Variants in CPHXL observed in about 807,000 individuals in gnomAD.
The protein encoded by CPHXL is cytoplasmic polyadenylated homeobox-like protein.
chr16:75,718,199 T>G, intron 2 of CPHXL, 66 bp downstream of exon 2: 2 of 396,972 alleles, frequency 5.0e-6, no homozygotes, highest in Non-Finnish European at 8.9e-6. Context: ...GCCTGTGTGA[T>G]AGGAGTGAGA....
At chr16:75,718,509 C>A in intron 1 of CPHXL, 51 bp from the exon 2 acceptor site, 1 of 397,938 alleles carries the variant, frequency 2.5e-6, no homozygotes. Flanking sequence ...TTGGTAATAA[C>A]CAGACCAAAG....
In CPHXL at chr16:75,720,571, C is replaced by T. The variant is rs1488440310; in HGVS notation, c.26-2113G>A. On this transcript the variant is annotated intron_variant, in intron 1 of 2. Transcript: ENST00000640559. ...TTAGAGAAAAAAGAATAAAAAGAAACAAACAAAGCCTCCAAGAAATATGGG... is the reference window on the plus strand; with the variant it reads ...TTAGAGAAAAAAGAATAAAAAGAAATAAACAAAGCCTCCAAGAAATATGGG... Among the ~76,000 whole-genome samples the T allele has an allele frequency of 2.6e-5, 4 of 152,036 alleles. No homozygotes were observed. The East Asian group carries it at 5.8e-4, about 22-fold the overall frequency.
chr16:75,721,519 A>G (rs1434089380), intron 1 of CPHXL, among the ~76,000 whole-genome samples: 1 of 152,230 alleles, frequency 6.6e-6, no homozygotes, highest in Non-Finnish European at 1.5e-5. Context: ...CCATTACATA[A>G]TGGCAAAGGG....
intron 1 of CPHXL, among the ~76,000 whole-genome samples, chr16:75,721,993 C>G (rs1413526624): frequency 6.6e-6 from 1 of 152,178 alleles, no homozygotes; most frequent in Non-Finnish European, 1.5e-5. Flanking sequence ...ACAACCTGCT[C>G]CTGAATGACT....
At chr16:75,725,454 CTTTT>C (rs1047915594) in intron 1 of CPHXL, among the ~76,000 whole-genome samples, 1 of 137,812 alleles carries the variant, frequency 7.3e-6, no homozygotes, top group African/African-American at 2.6e-5. Flanking sequence ...GTGGCTTCCT[CTTTT>C]TTTTTTTTTT....
chr16:75,719,656 C>A (rs973758877), intron 1 of CPHXL, among the ~76,000 whole-genome samples: 1 of 152,230 alleles, frequency 6.6e-6, no homozygotes, highest in African/African-American at 2.4e-5. Context: ...CTGCCTGCCT[C>A]TCTAGACTCC....
chr16:75,717,991 G>C (rs1959417685), intron 2 of CPHXL, among the ~76,000 whole-genome samples: 1 of 152,128 alleles, frequency 6.6e-6, no homozygotes, highest in Admixed American at 6.5e-5. Context: ...GGGATGCTGA[G>C]GTGGGTAGAT....
chr16:75,725,278 TA>T (rs756510984), intron 1 of CPHXL, among the ~76,000 whole-genome samples: 9 of 151,654 alleles, frequency 5.9e-5, no homozygotes, highest in Non-Finnish European at 8.9e-5. Context: ...AGTATAATAA[TA>T]AAAAAAACTT....
chr16:75,717,715 A>G (rs6564274), intron 2 of CPHXL, among the ~76,000 whole-genome samples: 90,553 of 152,118 alleles, frequency 0.6, 30,430 homozygotes, highest in East Asian at 0.96. Context: ...GGCTGGAAGC[A>G]TCAGCCACAG....
intron 2 of CPHXL, among the ~76,000 whole-genome samples, chr16:75,717,716 T>G (rs371859425): frequency 6.6e-6 from 1 of 152,200 alleles, no homozygotes; most frequent in East Asian, 1.9e-4. Flanking sequence ...GCTGGAAGCA[T>G]CAGCCACAGC....
At chr16:75,719,541 C>T (rs932494427) in intron 1 of CPHXL, among the ~76,000 whole-genome samples, 1 of 152,160 alleles carries the variant, frequency 6.6e-6, no homozygotes, top group Non-Finnish European at 1.5e-5. Flanking sequence ...TGCAGGGTGG[C>T]AGCGAGCCTG....
At chr16:75,716,498 G>C (rs1273844810) in intron 2 of CPHXL, among the ~76,000 whole-genome samples, 2 of 152,192 alleles carry the variant, frequency 1.3e-5, no homozygotes, top group African/African-American at 2.4e-5. Context: ...TATTACAAAA[G>C]ATACAGATGA....
At chr16:75,717,511 C>T (rs554885119) in intron 2 of CPHXL, among the ~76,000 whole-genome samples, 2 of 152,194 alleles carry the variant, frequency 1.3e-5, no homozygotes, top group Non-Finnish European at 2.9e-5. Context: ...AGATGACTTA[C>T]AATACCTGAT....
intron 1 of CPHXL, among the ~76,000 whole-genome samples, chr16:75,725,139 G>C (rs112504247): frequency 2.7e-4 from 39 of 146,986 alleles, no homozygotes; most frequent in South Asian, 9.6e-4. Context: ...GTCGGGGGAG[G>C]GGGGAGGGAT....
rs1189031887 is a variant in CPHXL at position 75,714,419 on chromosome 16, C to G, written c.1023G>C (p.Trp341Cys). The change falls in exon 3 of 3, where the codon TGG becomes TGC. Residue 341 changes from tryptophan (W) to cysteine (C), a missense_variant. Transcript: ENST00000640559. ...QEQLPMDSGP[W>C]DLGKQWSSAQ... ...CCGAGGACCACTGCTTCCCTAGATC[C>G]CAAGGACCCGAGTCCATTGGGAGCT... 2.5e-6 allele frequency: 1 copy of G among 398,438 alleles called. No homozygotes were observed. Among genetic ancestry groups the G allele is most frequent in the South Asian group, 1.3e-4 (1 of 7,850 alleles). The allele number at this position is 398,438 out of a possible 1,614,324, so 24.7% of individuals were successfully genotyped here. A position where few individuals can be genotyped will look rare whatever the true frequency, so the allele number is the denominator to read the frequency against.
At chr16:75,724,760 C>G (rs1449206944) in intron 1 of CPHXL, among the ~76,000 whole-genome samples, 1 of 152,170 alleles carries the variant, frequency 6.6e-6, no homozygotes, top group Admixed American at 6.5e-5. Flanking sequence ...TTTGACCCAG[C>G]CATCCCATTA....
chr16:75,726,432 T>C lies in CPHXL; in HGVS notation c.11A>G (p.Asp4Gly). The change falls in exon 1 of 3, where the codon GAC (aspartate) becomes GGC (glycine). Residue 4 changes from aspartate (D) to glycine (G), a missense_variant. Transcript: ENST00000640559. Reference sequence around the variant, plus strand: ...TGGGAACTTACCACCTGAAGTGCCGTCCAAATTCATCTTGGGGTAGAAGAC... The same window carrying C: ...TGGGAACTTACCACCTGAAGTGCCGCCCAAATTCATCTTGGGGTAGAAGAC... MNL[D>G]GTSGGFPAEE... 1 of 398,572 alleles carries C rather than the reference T, an allele frequency of 2.5e-6. No individual in the cohort carries two copies. The allele number at this position is 398,572 out of a possible 1,614,324, so 24.7% of individuals were successfully genotyped here.
In CPHXL at chr16:75,726,420, C is replaced by A; in HGVS notation, c.23G>T (p.Gly8Val). Residue 8 changes from glycine to valine, a missense_variant and splice_region_variant, in exon 1 of 3, where the codon GGT becomes GTT. Transcript: ENST00000640559. Reference sequence around the variant, plus strand: ...AGAAAAAGCTGATGGGAACTTACCACCTGAAGTGCCGTCCAAATTCATCTT... The same window carrying A: ...AGAAAAAGCTGATGGGAACTTACCAACTGAAGTGCCGTCCAAATTCATCTT... Reference protein sequence around the residue: MNLDGTSGGFPAEEDHHN... With the variant: MNLDGTSVGFPAEEDHHN... 2.5e-6 allele frequency: 1 copy of A among 398,590 alleles called. No homozygotes were observed. The highest frequency in any genetic ancestry group is 1.3e-4 in the South Asian group (1 of 7,860). The allele number at this position is 398,590 out of a possible 1,614,324, so 24.7% of individuals were successfully genotyped here.
chr16:75,718,653 C>T (rs1352799612), intron 1 of CPHXL, among the ~76,000 whole-genome samples, 195 bp from the exon 2 acceptor site: 1 of 152,184 alleles, frequency 6.6e-6, no homozygotes, highest in Non-Finnish European at 1.5e-5. Flanking sequence ...GGCCTATGGG[C>T]CAGATCCACC....
Sources: gnomAD v4.1 joint callset for allele counts (sites outside exome capture counted in the v4.1 genomes callset) on GRCh38, gnomAD v4.1.1 for gene constraint, MANE v1.5 for transcripts, NCBI Gene and HGNC (gene_info 2026-07-23, HGNC 2026-07-21) for gene names.